The following ADAMTS12 variants were observed in gnomAD, a reference collection of about 807,000 sequenced individuals.
The protein encoded by ADAMTS12 is ADAM metallopeptidase with thrombospondin type 1 motif 12.
In ADAMTS12, 118 loss-of-function variants were observed where a neutral mutation model predicts 167.8. That is an observed-to-expected ratio of 0.70 (90% CI 0.61 to 0.82). The LOEUF is 0.82. Among genes scored for constraint, ADAMTS12 ranks in the 40% least tolerant of loss-of-function variants. The pLI is 0.00. For synonymous variants in ADAMTS12, 704 were observed against 716.9 expected (o/e 0.98, Z 0.29); for missense variants, 1,916 against 1,998.8 (o/e 0.96, Z 0.79).
chr5:33,725,090 T>C (rs898782068), intron 3 of ADAMTS12, among the ~76,000 whole-genome samples: 4 of 152,170 alleles, frequency 2.6e-5, no homozygotes, highest in African/African-American at 9.7e-5. Context: ...GCAGCATGGC[T>C]CATCAGCTTA....
chr5:33,811,920 G>A (rs1461139919), intron 2 of ADAMTS12, among the ~76,000 whole-genome samples: 1 of 152,156 alleles, frequency 6.6e-6, no homozygotes, highest in African/African-American at 2.4e-5. Context: ...ATTTACAGAT[G>A]AACTTGGGAG....
chr5:33,802,069 T>G (rs1747033571), intron 2 of ADAMTS12, among the ~76,000 whole-genome samples: 1 of 152,214 alleles, frequency 6.6e-6, no homozygotes, highest in Non-Finnish European at 1.5e-5. Context: ...CATTCTACCA[T>G]GTAAGGTTAC....
rs1579833387 is a variant in ADAMTS12, at chr5:33,683,229, T to C, written c.832-128A>G. 6 of 659,370 alleles carry C rather than the reference T, an allele frequency of 9.1e-6. No homozygotes were observed. The East Asian group carries it at 1.8e-4, about 20-fold the overall frequency. The allele number at this position is 659,370 out of a possible 1,614,324, so 40.8% of individuals were successfully genotyped here. A position where few individuals can be genotyped will look rare whatever the true frequency, so the allele number is the denominator to read the frequency against. On this transcript the variant is annotated intron_variant, in intron 4 of 23. Transcript: ENST00000504830. ...TATAGGTCAGAAATGTTTGGCGGTG[T>C]GCTAAGAAGAGTGAAATATGCCCAC... is the stretch of plus-strand genomic sequence containing the variant.
chr5:33,768,209 T>C (rs1745615343), intron 2 of ADAMTS12, among the ~76,000 whole-genome samples: 1 of 152,218 alleles, frequency 6.6e-6, no homozygotes, highest in African/African-American at 2.4e-5. Context: ...GCTCCTGGCC[T>C]CCGGTTCCAA....
At chr5:33,889,485 C>A (rs73074834) in intron 1 of ADAMTS12, among the ~76,000 whole-genome samples, 2,464 of 152,234 alleles carry the variant, frequency 0.016, 56 homozygotes, top group African/African-American at 0.057. Flanking sequence ...TCCCAGATAG[C>A]CTTAGAATTT....
intron 11 of ADAMTS12, among the ~76,000 whole-genome samples, chr5:33,640,203 T>G (rs1740387909): frequency 6.6e-6 from 1 of 152,230 alleles, no homozygotes; most frequent in East Asian, 1.9e-4. Context: ...GCGGTGCCAT[T>G]GGCAGTGTTA....
At chr5:33,753,078 CA>C (rs1745050872) in intron 2 of ADAMTS12, among the ~76,000 whole-genome samples, 1 of 152,168 alleles carries the variant, frequency 6.6e-6, no homozygotes. Flanking sequence ...ATGGGTCATG[CA>C]AACTTTTTGA....
chr5:33,786,191 C>T lies in ADAMTS12; in HGVS notation c.490-34643G>A, dbSNP rs1175730553. Among the ~76,000 whole-genome samples, 4 of 152,030 alleles carry T rather than the reference C, an allele frequency of 2.6e-5. No homozygotes were observed. The East Asian group carries it at 7.7e-4, about 29-fold the overall frequency. ...CAGATTGCCAACAGGCATGAGTGAA[C>T]TTTTGGGGGTCATGGAAATATTTTA... is the stretch of plus-strand genomic sequence containing the variant. On this transcript the variant is annotated intron_variant, in intron 2 of 23. Coordinates refer to ENST00000504830, the MANE Select transcript of ADAMTS12 (RefSeq NM_030955.4).
intron 3 of ADAMTS12, among the ~76,000 whole-genome samples, chr5:33,727,206 C>T (rs1191525770): frequency 6.6e-6 from 1 of 152,038 alleles, no homozygotes; most frequent in African/African-American, 2.4e-5. Context: ...TGCCGCTGGA[C>T]CTGTGTGTCT....
chr5:33,680,876 C>T (rs977304673), intron 5 of ADAMTS12, among the ~76,000 whole-genome samples: 4 of 152,072 alleles, frequency 2.6e-5, no homozygotes, highest in African/African-American at 4.8e-5. Flanking sequence ...GGTCTGGTTC[C>T]GCCAACCAAT....
chr5:33,653,586 T>C (rs1409134381), intron 7 of ADAMTS12, among the ~76,000 whole-genome samples: 1 of 152,168 alleles, frequency 6.6e-6, no homozygotes, highest in Admixed American at 6.6e-5. Context: ...TGATTCTTGG[T>C]TGTCGACAGG....
At chr5:33,890,914 G>C (rs543323568) in intron 1 of ADAMTS12, among the ~76,000 whole-genome samples, 27 of 152,198 alleles carry the variant, frequency 1.8e-4, no homozygotes, top group African/African-American at 6.5e-4. Context: ...TGATCGGATG[G>C]GCTGACACAG....
intron 23 of ADAMTS12, among the ~76,000 whole-genome samples, chr5:33,528,087 A>C (rs911202368): frequency 1.4e-5 from 2 of 140,546 alleles, no homozygotes; most frequent in African/African-American, 6.0e-5. Flanking sequence ...CTCAACCAGA[A>C]AAAAAAAAAA....
At chr5:33,791,550 ACCTG>A (rs778775458) in intron 2 of ADAMTS12, among the ~76,000 whole-genome samples, 1 of 152,308 alleles carries the variant, frequency 6.6e-6, no homozygotes, top group Non-Finnish European at 1.5e-5. Context: ...GATTTTTATC[ACCTG>A]GGAATTAGAA....
chr5:33,815,716 AGC>A (rs953153450), intron 2 of ADAMTS12, among the ~76,000 whole-genome samples: 4 of 152,204 alleles, frequency 2.6e-5, no homozygotes, highest in African/African-American at 9.6e-5. Context: ...AGGAGAGAGG[AGC>A]GCATAGTCCT....
chr5:33,802,980 C>T (rs1479664804), intron 2 of ADAMTS12, among the ~76,000 whole-genome samples: 3 of 152,136 alleles, frequency 2.0e-5, no homozygotes, highest in South Asian at 2.1e-4. Context: ...TGAAAAACAA[C>T]CCCTGCCCTC....
chr5:33,688,924 C>T (rs1742450971), intron 3 of ADAMTS12, among the ~76,000 whole-genome samples: 1 of 152,186 alleles, frequency 6.6e-6, no homozygotes, highest in Non-Finnish European at 1.5e-5. Context: ...CTAATTACTA[C>T]TGCCTTGTTT....
chr5:33,565,448 G>T (rs1205516224), intron 19 of ADAMTS12, among the ~76,000 whole-genome samples: 1 of 152,178 alleles, frequency 6.6e-6, no homozygotes, highest in Non-Finnish European at 1.5e-5. Flanking sequence ...CACCGCTCTG[G>T]CCTTCAGTTC....
At chr5:33,693,768 C>A (rs377601948) in intron 3 of ADAMTS12, among the ~76,000 whole-genome samples, 1 of 152,074 alleles carries the variant, frequency 6.6e-6, no homozygotes, top group Non-Finnish European at 1.5e-5. Flanking sequence ...AAGATAAGGA[C>A]GCTCACTCCC....
Sources: allele counts gnomAD v4.1 joint callset (sites outside exome capture counted in the v4.1 genomes callset), GRCh38; gene constraint gnomAD v4.1.1; transcripts MANE v1.5; gene names NCBI Gene and HGNC (gene_info 2026-07-23, HGNC 2026-07-21).